The following RANBP2 variants were observed in gnomAD, a reference collection of about 807,000 sequenced individuals.
RANBP2 encodes the protein E3 SUMO-protein ligase RanBP2.
In RANBP2, 57 loss-of-function variants were observed where a neutral mutation model predicts 303.6. The ratio of observed to expected loss-of-function variants is 0.19; its 90% CI spans 0.15 to 0.23. RANBP2 has a LOEUF of 0.23. RANBP2 is among the 10% of genes least tolerant of loss of function. RANBP2 has a pLI of 1.00. For missense variants in RANBP2, 3,138 were observed against 3,780.8 expected (o/e 0.83, Z 4.46); for synonymous variants, 1,167 against 1,301.5 (o/e 0.90, Z 2.23).
the RANBP2 span, among the ~76,000 whole-genome samples, chr2:109,619,897 G>C: frequency 4.6e-5 from 7 of 152,150 alleles, no homozygotes; most frequent in African/African-American, 1.7e-4. Flanking sequence ...ATAAATCACT[G>C]AATATTAGAG....
chr2:109,424,372 T>C, the RANBP2 span, among the ~76,000 whole-genome samples: 1 of 152,332 alleles, frequency 6.6e-6, no homozygotes, highest in African/African-American at 2.4e-5. Flanking sequence ...AGGCTGGGCA[T>C]CCCTGGACCC....
At chr2:109,418,143 A>T in the RANBP2 span, among the ~76,000 whole-genome samples, 38 of 152,214 alleles carry the variant, frequency 2.5e-4, no homozygotes, top group Admixed American at 2.4e-3. Context: ...AGGTACCTGC[A>T]GCCTGGCCCC....
At chr2:109,492,057 C>T in the RANBP2 span, among the ~76,000 whole-genome samples, 2 of 152,184 alleles carry the variant, frequency 1.3e-5, no homozygotes, top group South Asian at 2.1e-4. Flanking sequence ...GCAGATGTTG[C>T]AGTCCTGCTG....
At chr2:109,678,074 C>T in the RANBP2 span, among the ~76,000 whole-genome samples, 2 of 152,186 alleles carry the variant, frequency 1.3e-5, no homozygotes, top group Non-Finnish European at 2.9e-5. Flanking sequence ...TGATGGGCTT[C>T]GGAAGGATGT....
chr2:109,037,170 A>C, the RANBP2 span, among the ~76,000 whole-genome samples: 3 of 151,940 alleles, frequency 2.0e-5, no homozygotes, highest in Non-Finnish European at 4.4e-5. Flanking sequence ...AAACAAAAAA[A>C]CAAAAATTAG....
chr2:108,855,933 G>A, the RANBP2 span, among the ~76,000 whole-genome samples: 1 of 152,106 alleles, frequency 6.6e-6, no homozygotes, highest in African/African-American at 2.4e-5. Context: ...TTATTACTTG[G>A]ATAGCATGAA....
chr2:109,309,619 G>A, the RANBP2 span, among the ~76,000 whole-genome samples: 5 of 95,054 alleles, frequency 5.3e-5, 1 homozygote, highest in Non-Finnish European at 7.9e-5. Context: ...CTCACGTGCA[G>A]AGACACACAT....
At chr2:109,210,634 C>T in the RANBP2 span, among the ~76,000 whole-genome samples, 2 of 151,962 alleles carry the variant, frequency 1.3e-5, no homozygotes, top group East Asian at 1.9e-4. Flanking sequence ...CCTGGTGGGG[C>T]CTGGAGTAAG....
chr2:109,401,732 C>T, the RANBP2 span, among the ~76,000 whole-genome samples: 1 of 152,186 alleles, frequency 6.6e-6, no homozygotes, highest in Non-Finnish European at 1.5e-5. Context: ...GGTTTCCTCT[C>T]CTTCCTGCAT....
chr2:109,638,713 G>A, the RANBP2 span, among the ~76,000 whole-genome samples: 6 of 152,086 alleles, frequency 3.9e-5, no homozygotes, highest in Admixed American at 3.3e-4. Flanking sequence ...TCAGTAATAG[G>A]GAGCCTGTTT....
chr2:108,728,263 G>A (rs116265631), intron 1 of RANBP2, among the ~76,000 whole-genome samples: 3,689 of 152,244 alleles, frequency 0.024, 143 homozygotes, highest in African/African-American at 0.084. Context: ...TTGTCTGCTT[G>A]TCTTACTTTC....
intron 6 of RANBP2, among the ~76,000 whole-genome samples, chr2:108,738,307 C>T (rs929626130): frequency 3.9e-5 from 6 of 151,934 alleles, no homozygotes; most frequent in Admixed American, 2.6e-4. Context: ...GATCTCCTGA[C>T]CTTGTGATCC....
the RANBP2 span, among the ~76,000 whole-genome samples, chr2:109,126,936 G>A: frequency 6.6e-6 from 1 of 152,282 alleles, no homozygotes; most frequent in African/African-American, 2.4e-5. Flanking sequence ...ATCTGCTCTT[G>A]GATCAAGCAT....
intron 1 of RANBP2, among the ~76,000 whole-genome samples, chr2:108,721,704 C>T (rs1238725501): frequency 6.6e-6 from 1 of 152,132 alleles, no homozygotes; most frequent in Non-Finnish European, 1.5e-5. Flanking sequence ...GCCTCCACTT[C>T]CCAAAGTGTT....
chr2:108,747,199 A>T (rs1163877183), intron 8 of RANBP2, among the ~76,000 whole-genome samples: 1 of 152,202 alleles, frequency 6.6e-6, no homozygotes, highest in African/African-American at 2.4e-5. Context: ...GAGCGTAGGG[A>T]GGAAGATAGA....
chr2:109,348,456 G>C, the RANBP2 span, among the ~76,000 whole-genome samples: 7 of 152,188 alleles, frequency 4.6e-5, no homozygotes, highest in Admixed American at 3.9e-4. Flanking sequence ...CTGGTGCGTA[G>C]GGATCCCTGT....
chr2:109,667,235 AG>A, the RANBP2 span: 1 of 972,084 alleles, frequency 1.0e-6, no homozygotes, highest in Non-Finnish European at 1.7e-6. Flanking sequence ...AAGCAAACGC[AG>A]GCAAGGTGCT....
chr2:109,605,985 G>A, the RANBP2 span, among the ~76,000 whole-genome samples: 3 of 152,206 alleles, frequency 2.0e-5, no homozygotes, highest in African/African-American at 7.2e-5. Context: ...CCAAAGCCTG[G>A]AATGAGGTCT....
the RANBP2 span, among the ~76,000 whole-genome samples, chr2:109,165,837 A>G: frequency 6.6e-6 from 1 of 152,000 alleles, no homozygotes; most frequent in Non-Finnish European, 1.5e-5. Flanking sequence ...TGCATCTGTG[A>G]CTCACCCTAG....
Sources: allele counts gnomAD v4.1 joint callset (sites outside exome capture counted in the v4.1 genomes callset), GRCh38; gene constraint gnomAD v4.1.1; transcripts MANE v1.5; gene names NCBI Gene and HGNC (gene_info 2026-07-23, HGNC 2026-07-21).